The following VARS1 variants were observed in gnomAD, a reference collection of about 807,000 sequenced individuals.
The protein encoded by VARS1 is valyl-tRNA synthetase 1.
A neutral mutation model predicts 161.0 loss-of-function variants in VARS1; 92 were observed. The observed-to-expected ratio is 0.57, with a 90% CI of 0.48 to 0.68. The LOEUF (loss-of-function observed/expected upper bound fraction) is 0.68, where lower values mean the gene tolerates loss of function less well. VARS1 is among the 30% of genes least tolerant of loss of function. The probability of loss-of-function intolerance (pLI) is 0.00; values close to 1 mark genes in which losing one functional copy is unlikely to be tolerated. For missense variants in VARS1, 1,338 were observed against 1,695.9 expected (o/e 0.79, Z 3.71); for synonymous variants, 595 against 682.5 (o/e 0.87, Z 2.00).
In VARS1 at chr6:31,784,291, C is replaced by G; in HGVS notation, c.1594G>C (p.Val532Leu). The part of the protein sequence containing the change: ...VQGSDSDEEV[V>L]VATTRIETML... The stretch of plus-strand genomic sequence containing the variant: ...GTCTCGATCCGAGTTGTTGCCACCA[C>G]CACCTCCTCGTCGCTATCTGGGGTG... The change falls in exon 13 of 30, where the codon GTG (valine) becomes CTG (leucine). Residue 532 changes from valine (V) to leucine (L), a missense_variant. Physicochemically the swap from Val to Leu is conservative, Grantham distance 32. Coordinates refer to ENST00000375663, the MANE Select transcript of VARS1 (RefSeq NM_006295.3). This position sits in a 1 kb window ranked among gnomAD's most constrained non-coding sequence, Gnocchi z 6.1. 6.2e-7 allele frequency: 1 copy of G among 1,614,226 alleles called. No individual in the cohort carries two copies. The highest frequency in any genetic ancestry group is 8.5e-7 in the Non-Finnish European group (1 of 1,180,050).
At position 31,792,318 on chromosome 6, in the gene VARS1, A is replaced by G; in HGVS notation, c.787-17T>C. The G allele has an allele frequency of 1.2e-6, 2 of 1,613,716 alleles. No homozygotes were observed. Among genetic ancestry groups the G allele is most frequent in the Non-Finnish European group, 1.7e-6 (2 of 1,179,950 alleles). On this transcript the variant is annotated splice_polypyrimidine_tract_variant and intron_variant, in intron 5 of 29. Coordinates refer to ENST00000375663, the MANE Select transcript of VARS1 (RefSeq NM_006295.3). Reference sequence around the variant, plus strand: ...TGGTTTCTTCTGCTTGGGAGGGAGAAGACATAGGCCCAGGCATCAGCCAAC... The same window carrying G: ...TGGTTTCTTCTGCTTGGGAGGGAGAGGACATAGGCCCAGGCATCAGCCAAC...
Position 31,784,289 on chromosome 6 carries a change from C to T in VARS1, c.1596G>A (p.Val532=), listed in dbSNP as rs1215005070. The change falls in exon 13 of 30, where the codon GTG becomes GTA. Residue 532 remains valine (V), a synonymous_variant. Transcript: ENST00000375663. The surrounding 1 kb of genome is among the most constrained non-coding windows in gnomAD (Gnocchi z 6.1). ...TTGTCTCGATCCGAGTTGTTGCCACCACCACCTCCTCGTCGCTATCTGGGG... is the reference window on the plus strand; with the variant it reads ...TTGTCTCGATCCGAGTTGTTGCCACTACCACCTCCTCGTCGCTATCTGGGG... The part of the protein sequence containing the change: ...VQGSDSDEEV[V]VATTRIETML... 10 of 1,614,078 alleles carry T rather than the reference C, an allele frequency of 6.2e-6. No homozygotes were observed. The highest frequency in any genetic ancestry group is 8.5e-6 in the Non-Finnish European group (10 of 1,180,054).
chr6:31,784,427 G>C lies in VARS1; in HGVS notation c.1543C>G (p.Leu515Val). 3 of 1,614,076 alleles carry C rather than the reference G, an allele frequency of 1.9e-6. No individual in the cohort carries two copies. Among genetic ancestry groups the C allele is most frequent in the Non-Finnish European group, 2.5e-6 (3 of 1,180,032 alleles). ...TGGACCTTATAGGCAAAGGACACGA[G>C]GACCCCGAACTCCACCTTCTCCTTG... Reference protein sequence around the residue: ...GYKEKVEFGVLVSFAYKVQGS... With the variant: ...GYKEKVEFGVVVSFAYKVQGS... The change falls in exon 12 of 30, where the codon CTC becomes GTC. Residue 515 changes from leucine to valine, a missense_variant. Leu to Val is a conservative substitution (Grantham distance 32, BLOSUM62 1). Coordinates refer to ENST00000375663, the MANE Select transcript of VARS1 (RefSeq NM_006295.3). The surrounding 1 kb of genome is among the most constrained non-coding windows in gnomAD (Gnocchi z 6.1).
intron 8 of VARS1, among the ~76,000 whole-genome samples, chr6:31,790,502 T>C (rs1304265731): frequency 6.9e-6 from 1 of 145,526 alleles, no homozygotes; most frequent in African/African-American, 2.6e-5. Flanking sequence ...CTTGGGAGGC[T>C]GAGGCAAGAG....
chr6:31,781,206 T>C lies in VARS1; in HGVS notation c.2545-83A>G, dbSNP rs1309319342. 2.7e-6 allele frequency: 4 copies of C among 1,475,280 alleles called. No homozygotes were observed. The highest frequency in any genetic ancestry group is 3.7e-6 in the Non-Finnish European group (4 of 1,070,610). The allele number at this position is 1,475,280 out of a possible 1,614,324, so 91.4% of individuals were successfully genotyped here. On this transcript the variant is annotated intron_variant, in intron 21 of 29. Transcript: ENST00000375663. This position sits in a 1 kb window ranked among gnomAD's most constrained non-coding sequence, Gnocchi z 6.8. The stretch of plus-strand genomic sequence containing the variant: ...GCCCCGACCAGGACTGTGTCTGGTC[T>C]ACCCCACTGTGAACCTCAGGTCCCA...
Position 31,784,607 on chromosome 6 carries a change from G to A in VARS1, c.1455C>T (p.Ile485=). The change falls in exon 11 of 30, where the codon ATC becomes ATT. Residue 485 remains isoleucine (I), a synonymous_variant. Coordinates refer to ENST00000375663, the MANE Select transcript of VARS1 (RefSeq NM_006295.3). This position sits in a 1 kb window ranked among gnomAD's most constrained non-coding sequence, Gnocchi z 6.1. ...VNWSCTLNSA[I]SDIEVDKKEL... is the part of the protein sequence containing the mutation. ...TTGGGGGGCGCACCTCAATGTCAGA[G>A]ATGGCGGAGTTGAGGGTGCAGGACC... is the stretch of plus-strand genomic sequence containing the variant. 6.2e-7 allele frequency: 1 copy of A among 1,613,288 alleles called. No individual in the cohort carries two copies. Among genetic ancestry groups the A allele is most frequent in the Non-Finnish European group, 8.5e-7 (1 of 1,180,040 alleles).
intron 2 of VARS1, among the ~76,000 whole-genome samples, chr6:31,793,914 T>G (rs1814069657): frequency 6.6e-6 from 1 of 151,232 alleles, no homozygotes; most frequent in African/African-American, 2.4e-5. Context: ...ACCAGCCTGG[T>G]CAACATGACA....
chr6:31,785,450 G>T lies in VARS1; in HGVS notation c.1265+119C>A. The stretch of plus-strand genomic sequence containing the variant: ...ATTTACCTGGGCCCTAGAGCCAACT[G>T]ACTCTGCCTCTGTGGGAGGGTCTGA... On this transcript the variant is annotated intron_variant, in intron 9 of 29. Transcript: ENST00000375663. The surrounding 1 kb of genome is among the most constrained non-coding windows in gnomAD (Gnocchi z 6.1). The T allele has an allele frequency of 6.6e-7, 1 of 1,526,290 alleles. No individual in the cohort carries two copies. The highest frequency in any genetic ancestry group is 1.2e-5 in the South Asian group (1 of 83,058). The allele number at this position is 1,526,290 out of a possible 1,614,324, so 94.5% of individuals were successfully genotyped here.
intron 8 of VARS1, among the ~76,000 whole-genome samples, chr6:31,790,602 CAAAAAAAAAAAAAAAA>C (rs9279419): frequency 1.2e-4 from 5 of 43,386 alleles, no homozygotes; most frequent in East Asian, 9.2e-4. Flanking sequence ...AACTCTGTCT[CAAAAAAAAAAAAAAAA>C]AAAAAAAAAA....
Position 31,785,682 on chromosome 6 carries a change from T to C in VARS1, c.1152A>G (p.Ala384=). Residue 384 remains alanine, a synonymous_variant, in exon 9 of 30, where the codon GCA becomes GCG. Coordinates refer to ENST00000375663, the MANE Select transcript of VARS1 (RefSeq NM_006295.3). The surrounding 1 kb of genome is among the most constrained non-coding windows in gnomAD (Gnocchi z 6.1). ...TTLWNPGCDH[A]GIATQVVVEK... is the part of the protein sequence containing the mutation. ...CCACCACCACCTGGGTGGCAATACC[T>C]GCATGGTCACAGCCAGGGTTCCACA... 6.2e-7 allele frequency: 1 copy of C among 1,612,932 alleles called. No individual in the cohort carries two copies. Among genetic ancestry groups the C allele is most frequent in the Non-Finnish European group, 8.5e-7 (1 of 1,180,008 alleles).
rs369896276 is a variant in VARS1 at position 31,784,434 on chromosome 6, G to A, written c.1536C>T (p.Phe512=). The A allele has an allele frequency of 4.5e-5, 72 of 1,613,970 alleles. No homozygotes were observed. Among genetic ancestry groups the A allele is most frequent in the Admixed American group, 6.7e-5 (4 of 59,994 alleles). ...TATAGGCAAAGGACACGAGGACCCC[G>A]AACTCCACCTTCTCCTTGTAGCCAG... ...SVPGYKEKVE[F]GVLVSFAYKV... is the part of the protein sequence containing the mutation. The change falls in exon 12 of 30, where the codon TTC becomes TTT. Residue 512 remains phenylalanine (F), a synonymous_variant. Transcript: ENST00000375663. This position sits in a 1 kb window ranked among gnomAD's most constrained non-coding sequence, Gnocchi z 6.1.
At position 31,784,400 on chromosome 6, in the gene VARS1, C is replaced by T. The variant is rs754512815; in HGVS notation, c.1570G>A (p.Gly524Ser). 1 of 1,614,204 alleles carries T rather than the reference C, an allele frequency of 6.2e-7. No individual in the cohort carries two copies. Among genetic ancestry groups the T allele is most frequent in the Non-Finnish European group, 8.5e-7 (1 of 1,180,050 alleles). ...TGGTGCCCCTGGCTCCTACCTGAGC[C>T]TTGGACCTTATAGGCAAAGGACACG... ...VLVSFAYKVQGSDSDEEVVVA... is the reference protein window; with the variant it reads ...VLVSFAYKVQSSDSDEEVVVA... Residue 524 changes from glycine (G) to serine (S), a missense_variant, in exon 12 of 30, where the codon GGC (glycine) becomes AGC (serine). Physicochemically the swap from Gly to Ser is moderately conservative, Grantham distance 56. Transcript: ENST00000375663. This position sits in a 1 kb window ranked among gnomAD's most constrained non-coding sequence, Gnocchi z 6.1.
Position 31,780,603 on chromosome 6 carries a change from C to T in VARS1, c.2798-35G>A. On this transcript the variant is annotated intron_variant, in intron 24 of 29. Coordinates refer to ENST00000375663, the MANE Select transcript of VARS1 (RefSeq NM_006295.3). The surrounding 1 kb of genome is among the most constrained non-coding windows in gnomAD (Gnocchi z 5.1). ...GGGTGAGATGTGAGTCCTCATCACC[C>T]TCTTCCCAGCCCATGCCCACCAGAG... 1 of 1,611,170 alleles carries T rather than the reference C, an allele frequency of 6.2e-7. No homozygotes were observed. Among genetic ancestry groups the T allele is most frequent in the Non-Finnish European group, 8.5e-7 (1 of 1,177,816 alleles).
rs768271792 is a variant in VARS1 at position 31,780,788 on chromosome 6, A to G, written c.2719-5T>C. On this transcript the variant is annotated splice_region_variant and splice_polypyrimidine_tract_variant and intron_variant, in intron 23 of 29. Coordinates refer to ENST00000375663, the MANE Select transcript of VARS1 (RefSeq NM_006295.3). The surrounding 1 kb of genome is among the most constrained non-coding windows in gnomAD (Gnocchi z 5.1). ...CCCCGCTGGGAAGTCAGCTTTCTAC[A>G]GGGAAGAGGCAGGGGGAGGAGCGTC... 38 of 1,614,038 alleles carry G rather than the reference A, an allele frequency of 2.4e-5. No individual in the cohort carries two copies. In the Middle Eastern group the frequency reaches 4.9e-4, roughly 21 times the overall value.
chr6:31,781,879 C>T lies in VARS1; in HGVS notation c.2315G>A (p.Gly772Glu), dbSNP rs778162056. ...EAREKAAKEF[G>E]VSPDKISLQQ... ...GAGACTGATCTTGTCAGGGGACACT[C>T]CGAACTCCTTGGCTGCCTTCTCCCG... The change falls in exon 19 of 30, where the codon GGA becomes GAA. Residue 772 changes from glycine (G) to glutamate (E), a missense_variant. Transcript: ENST00000375663. This position sits in a 1 kb window ranked among gnomAD's most constrained non-coding sequence, Gnocchi z 6.8. The T allele has an allele frequency of 1.9e-6, 3 of 1,612,884 alleles. No homozygotes were observed. The highest frequency in any genetic ancestry group is 1.3e-5 in the African/African-American group (1 of 74,938).
At position 31,785,375 on chromosome 6, in the gene VARS1, A is replaced by G; in HGVS notation, c.1266-48T>C. 6.2e-7 allele frequency: 1 copy of G among 1,609,568 alleles called. No individual in the cohort carries two copies. The highest frequency in any genetic ancestry group is 1.1e-5 in the South Asian group (1 of 90,858). Reference sequence around the variant, plus strand: ...CAGCACTCGTGCCTGGGCTAGAGGGAGACATCAGGTGGCTGACTGGGCAGT... The same window carrying G: ...CAGCACTCGTGCCTGGGCTAGAGGGGGACATCAGGTGGCTGACTGGGCAGT... On this transcript the variant is annotated intron_variant, in intron 9 of 29. Transcript: ENST00000375663. This position sits in a 1 kb window ranked among gnomAD's most constrained non-coding sequence, Gnocchi z 6.1.
Position 31,785,630 on chromosome 6 carries a change from G to C in VARS1, c.1204C>G (p.Leu402Val), listed in dbSNP as rs1813448789. The change falls in exon 9 of 30, where the codon CTG becomes GTG. Residue 402 changes from leucine to valine, a missense_variant. Leu to Val is a conservative substitution (Grantham distance 32). Around this residue, in one of 3 missense-constraint regions of VARS1, gnomAD observed 902 missense variants for 1,090.3 expected, o/e 0.83. Transcript: ENST00000375663. The surrounding 1 kb of genome is among the most constrained non-coding windows in gnomAD (Gnocchi z 6.1). ...TCGCGGCCCAGCTGGTGCCGGCTCA[G>C]TCCCTGCTCACGCCATAGCTTCTTC... ...VEKKLWREQG[L>V]SRHQLGREAF... 2 of 1,612,862 alleles carry C rather than the reference G, an allele frequency of 1.2e-6. No individual in the cohort carries two copies. Among genetic ancestry groups the C allele is most frequent in the Non-Finnish European group, 1.7e-6 (2 of 1,180,026 alleles).
chr6:31,793,094 G>C lies in VARS1; in HGVS notation c.414C>G (p.Ala138=). ...PQAVLGALGR[A]LSPLEEWLRL... is the part of the protein sequence containing the mutation. ...GAAGCCACTCCTCCAAGGGGCTCAG[G>C]GCCCTGCCCAGGGCCCCCAGCACAG... The change falls in exon 3 of 30, where the codon GCC becomes GCG. Residue 138 remains alanine, a synonymous_variant. Transcript: ENST00000375663. 1.2e-6 allele frequency: 2 copies of C among 1,607,118 alleles called. No individual in the cohort carries two copies. Among genetic ancestry groups the C allele is most frequent in the South Asian group, 1.1e-5 (1 of 90,552 alleles).
Position 31,784,345 on chromosome 6 carries a change from C to A in VARS1, c.1577-37G>T, listed in dbSNP as rs751540943. 6 of 1,614,050 alleles carry A rather than the reference C, an allele frequency of 3.7e-6. No homozygotes were observed. In the East Asian group the frequency reaches 1.3e-4, roughly 36 times the overall value. ...GAAGGCCTTGTGGTCTTGGCCTTGG[C>A]CCCTTCCTGCCACTCCCAGCCCAGG... On this transcript the variant is annotated intron_variant, in intron 12 of 29. Transcript: ENST00000375663. The surrounding 1 kb of genome is among the most constrained non-coding windows in gnomAD (Gnocchi z 6.1).
Sources: allele counts gnomAD v4.1 joint callset (sites outside exome capture counted in the v4.1 genomes callset), GRCh38; gene constraint gnomAD v4.1.1; regional missense constraint gnomAD v4.1.1; non-coding constraint Gnocchi (gnomAD v3.1); transcripts MANE v1.5; gene names NCBI Gene and HGNC (gene_info 2026-07-23, HGNC 2026-07-21).